Variants in RCSD1 observed in about 807,000 individuals in gnomAD.
The protein encoded by RCSD1 is capZ-interacting protein.
Under a neutral mutation model 42.5 loss-of-function variants are expected in RCSD1, and 26 were observed. That is an observed-to-expected ratio of 0.61 (90% CI 0.45 to 0.85). The LOEUF is 0.85. Ranked by LOEUF, RCSD1 falls within the 40% of genes least tolerant of loss-of-function variation. RCSD1 has a pLI of 0.00. For missense variants in RCSD1, 571 were observed against 528.3 expected (o/e 1.08, Z -0.79); for synonymous variants, 220 against 212.2 (o/e 1.04, Z -0.32).
chr1:167,695,426 T>C (rs1250622206), intron 5 of RCSD1, among the ~76,000 whole-genome samples: 3 of 152,206 alleles, frequency 2.0e-5, no homozygotes, highest in Non-Finnish European at 4.4e-5. Flanking sequence ...TGGGAGGCCC[T>C]GATAAACCAA....
At chr1:167,697,891 G>T in intron 6 of RCSD1, 49 bp downstream of exon 6, 1 of 1,440,890 alleles carries the variant, frequency 6.9e-7, no homozygotes. Flanking sequence ...CAGGGCCAGT[G>T]TGTGCCTCTG....
rs1417325457 is a variant in RCSD1 at position 167,707,911 on chromosome 1, G to A, written c.*3215G>A. ...AGGTTTCACTATGTTGGCCAGGCTGGTCTCAAACTCCTGGCCTCTAGTGAT... is the reference window on the plus strand; with the variant it reads ...AGGTTTCACTATGTTGGCCAGGCTGATCTCAAACTCCTGGCCTCTAGTGAT... On this transcript the variant is annotated 3_prime_UTR_variant, in exon 7 of 7. Coordinates refer to ENST00000367854, the MANE Select transcript of RCSD1 (RefSeq NM_052862.4). Among the ~76,000 whole-genome samples the A allele has an allele frequency of 1.3e-5, 2 of 152,170 alleles. No individual in the cohort carries two copies. The highest frequency in any genetic ancestry group is 1.3e-4 in the Admixed American group (2 of 15,278).
chr1:167,661,196 A>G (rs890697001), intron 1 of RCSD1, among the ~76,000 whole-genome samples: 2 of 152,336 alleles, frequency 1.3e-5, no homozygotes, highest in African/African-American at 2.4e-5. Flanking sequence ...TTATAATCCT[A>G]TGTAGTAGAT....
intron 1 of RCSD1, among the ~76,000 whole-genome samples, chr1:167,662,800 C>G (rs1229376): frequency 0.028 from 4,312 of 152,058 alleles, 210 homozygotes; most frequent in African/African-American, 0.099. Flanking sequence ...CTGTAGCAAG[C>G]GCTGGGTTTG....
chr1:167,692,710 C>A (rs896608356), intron 4 of RCSD1, among the ~76,000 whole-genome samples: 6 of 152,064 alleles, frequency 3.9e-5, no homozygotes, highest in African/African-American at 9.7e-5. Context: ...ATTTAACTTT[C>A]GTATTTTATA....
intron 6 of RCSD1, among the ~76,000 whole-genome samples, chr1:167,699,483 C>T (rs548732933): frequency 1.3e-5 from 2 of 152,278 alleles, no homozygotes; most frequent in South Asian, 4.1e-4. Context: ...CATCTAGATG[C>T]ACCACTCCAG....
In RCSD1 at chr1:167,664,991, T is replaced by A. The variant is rs1341943330; in HGVS notation, c.7-18909T>A. The A allele has an allele frequency of 3.3e-5, 5 of 149,534 alleles. No homozygotes were observed. In the Admixed American group the frequency reaches 3.3e-4, roughly 10 times the overall value. The allele number at this position is 149,534 out of a possible 1,614,324, so 9.3% of individuals were successfully genotyped here. On this transcript the variant is annotated intron_variant, in intron 1 of 6. Coordinates refer to ENST00000367854, the MANE Select transcript of RCSD1 (RefSeq NM_052862.4). ...AGGTGAAGGTTGCAGTGAGCCGAGA[T>A]CGTGCCACTGCACTCCAGCGTGGGT...
chr1:167,639,793 C>T (rs1273496732), intron 1 of RCSD1, among the ~76,000 whole-genome samples: 1 of 152,192 alleles, frequency 6.6e-6, no homozygotes, highest in Admixed American at 6.5e-5. Flanking sequence ...GATGCCCGGC[C>T]CATTCTCATT....
chr1:167,686,733 C>G (rs1659245142), intron 3 of RCSD1, among the ~76,000 whole-genome samples: 2 of 152,210 alleles, frequency 1.3e-5, no homozygotes, highest in Non-Finnish European at 2.9e-5. Flanking sequence ...CAAACACATA[C>G]CAACAACCTC....
chr1:167,704,626 C>G (rs1469292204), intron 6 of RCSD1, 38 bp from the exon 7 acceptor site: 1 of 1,593,038 alleles, frequency 6.3e-7, no homozygotes, highest in Non-Finnish European at 8.6e-7. Flanking sequence ...GATTTCCTCA[C>G]CATTTTCCTA....
chr1:167,644,792 G>C (rs1027502260), intron 1 of RCSD1, among the ~76,000 whole-genome samples: 1 of 152,220 alleles, frequency 6.6e-6, no homozygotes, highest in Non-Finnish European at 1.5e-5. Context: ...CAGCTGCGGG[G>C]ATTGGACAGT....
intron 1 of RCSD1, among the ~76,000 whole-genome samples, chr1:167,679,607 G>A (rs1268072795): frequency 6.6e-6 from 1 of 152,216 alleles, no homozygotes; most frequent in Non-Finnish European, 1.5e-5. Flanking sequence ...TTGAGGCTCT[G>A]GGCTCTGGCC....
chr1:167,701,224 C>T (rs1245328032), intron 6 of RCSD1, among the ~76,000 whole-genome samples: 1 of 151,992 alleles, frequency 6.6e-6, no homozygotes, highest in African/African-American at 2.4e-5. Flanking sequence ...AGATGCCAAA[C>T]TTTGACGCCA....
intron 1 of RCSD1, among the ~76,000 whole-genome samples, chr1:167,681,083 G>A (rs1659072095): frequency 6.6e-6 from 1 of 152,212 alleles, no homozygotes; most frequent in Admixed American, 6.5e-5. Context: ...CACCAGCCCC[G>A]ATTCATCCCC....
intron 1 of RCSD1, among the ~76,000 whole-genome samples, chr1:167,644,019 T>G (rs778218511): frequency 3.0e-4 from 45 of 152,110 alleles, no homozygotes; most frequent in Non-Finnish European, 6.6e-4. Flanking sequence ...TCTGGGCTTC[T>G]GTAGGAGGCT....
In RCSD1 at chr1:167,697,196, A is replaced by G; in HGVS notation, c.572A>G (p.Glu191Gly). The change falls in exon 6 of 7, where the codon GAG (glutamate) becomes GGG (glycine). Residue 191 changes from glutamate (E) to glycine (G), a missense_variant. Glu to Gly is a moderately conservative substitution (Grantham distance 98). Coordinates refer to ENST00000367854, the MANE Select transcript of RCSD1 (RefSeq NM_052862.4). ...CGELGDFRAV[E>G]SSQQNGAKEE... Reference sequence around the variant, plus strand: ...GAACTTGGAGATTTCAGGGCGGTGGAGTCATCTCAGCAGAACGGTGCTAAG... The same window carrying G: ...GAACTTGGAGATTTCAGGGCGGTGGGGTCATCTCAGCAGAACGGTGCTAAG... The G allele has an allele frequency of 6.2e-7, 1 of 1,614,162 alleles. No homozygotes were observed. Among genetic ancestry groups the G allele is most frequent in the Non-Finnish European group, 8.5e-7 (1 of 1,180,032 alleles).
rs1409923982 is a variant in RCSD1 at position 167,685,439 on chromosome 1, A to C, written c.127A>C (p.Thr43Pro). 1 of 1,613,556 alleles carries C rather than the reference A, an allele frequency of 6.2e-7. No homozygotes were observed. The highest frequency in any genetic ancestry group is 8.5e-7 in the Non-Finnish European group (1 of 1,179,838). ...AAKETPASKP[T>P]RRKPPCSLPL... Reference sequence around the variant, plus strand: ...CCTCCAGACACCAGCCAGTAAACCAACCCGAAGGAAACCGCCCTGTTCCCT... The same window carrying C: ...CCTCCAGACACCAGCCAGTAAACCACCCCGAAGGAAACCGCCCTGTTCCCT... The change falls in exon 3 of 7, where the codon ACC becomes CCC. Residue 43 changes from threonine (T) to proline (P), a missense_variant. Physicochemically the swap from Thr to Pro is conservative, Grantham distance 38 (BLOSUM62 -1). Coordinates refer to ENST00000367854, the MANE Select transcript of RCSD1 (RefSeq NM_052862.4).
At chr1:167,651,507 G>A (rs1202709882) in intron 1 of RCSD1, among the ~76,000 whole-genome samples, 1 of 152,218 alleles carries the variant, frequency 6.6e-6, no homozygotes, top group Non-Finnish European at 1.5e-5. Context: ...CCTGGGCCCA[G>A]CTTCCCTTAT....
At chr1:167,697,940 C>T (rs1325709152) in intron 6 of RCSD1, 98 bp downstream of exon 6, 5 of 1,278,022 alleles carry the variant, frequency 3.9e-6, no homozygotes, top group East Asian at 2.9e-5. Context: ...CATAAATCAG[C>T]TCGACATGCA....
Sources: gnomAD v4.1 joint callset for allele counts (sites outside exome capture counted in the v4.1 genomes callset) on GRCh38, gnomAD v4.1.1 for gene constraint, MANE v1.5 for transcripts, NCBI Gene and HGNC (gene_info 2026-07-23, HGNC 2026-07-21) for gene names.